Variants in CBL observed in about 807,000 individuals in gnomAD.
CBL encodes E3 ubiquitin-protein ligase CBL.
In CBL, 45 loss-of-function variants were observed where a neutral mutation model predicts 96.9. That is an observed-to-expected ratio of 0.46 (90% CI 0.37 to 0.60). The LOEUF (loss-of-function observed/expected upper bound fraction) is 0.60, where lower values mean the gene tolerates loss of function less well. Ranked by LOEUF, CBL falls within the 20% of genes least tolerant of loss-of-function variation. The probability of loss-of-function intolerance (pLI) is 0.00; values close to 1 mark genes in which losing one functional copy is unlikely to be tolerated. For synonymous variants in CBL, 420 were observed against 426.8 expected (o/e 0.98, Z 0.20); for missense variants, 1,024 against 1,143.5 (o/e 0.90, Z 1.51).
chr11:119,285,225 C>T lies in CBL; in HGVS notation c.1600C>T (p.Pro534Ser), dbSNP rs1281464618. 1.2e-6 allele frequency: 2 copies of T among 1,614,168 alleles called. No individual in the cohort carries two copies. Among genetic ancestry groups the T allele is most frequent in the East Asian group, 2.2e-5 (1 of 44,884 alleles). ...SGSLHKDKPL[P>S]VPPTLRDLPP... is the part of the protein sequence containing the mutation. ...CTCCCTTCATAAAGACAAACCATTGCCAGTACCTCCCACACTTCGAGATCT... is the reference window on the plus strand; with the variant it reads ...CTCCCTTCATAAAGACAAACCATTGTCAGTACCTCCCACACTTCGAGATCT... The change falls in exon 11 of 16, where the codon CCA (proline) becomes TCA (serine). Residue 534 changes from proline to serine, a missense_variant. Pro to Ser is a moderately conservative substitution (Grantham distance 74, BLOSUM62 -1). Around this residue, in one of 4 missense-constraint regions of CBL, gnomAD observed 695 missense variants for 661.6 expected, o/e 1.05. Coordinates refer to ENST00000264033, the MANE Select transcript of CBL (RefSeq NM_005188.4).
chr11:119,273,049 A>C (rs758915796), intron 3 of CBL, among the ~76,000 whole-genome samples: 19 of 151,416 alleles, frequency 1.3e-4, no homozygotes, highest in Non-Finnish European at 2.5e-4. Context: ...ACAATCAATC[A>C]TAGCTCATCG....
At position 119,300,795 on chromosome 11, in the gene CBL, A is replaced by G. The variant is rs1356433248; in HGVS notation, c.*1014A>G. On this transcript the variant is annotated 3_prime_UTR_variant, in exon 16 of 16. Transcript: ENST00000264033. ...TCATGAGTCTTTCTACTTAATGGGA[A>G]GGGAAGAACATTTGTTTCCAGGATG... 2.6e-6 allele frequency: 1 copy of G among 379,762 alleles called. No homozygotes were observed. The highest frequency in any genetic ancestry group is 2.1e-5 in the African/African-American group (1 of 48,442). 23.5% of individuals were successfully genotyped at this position (379,762 alleles called of 1,614,324 possible).
At chr11:119,236,575 T>C (rs1005716547) in intron 2 of CBL, among the ~76,000 whole-genome samples, 1 of 145,430 alleles carries the variant, frequency 6.9e-6, no homozygotes, top group Non-Finnish European at 1.5e-5. Context: ...TATATACATA[T>C]ATGTTTTCAC....
rs954204686 is a variant in CBL at position 119,300,846 on chromosome 11, C to G, written c.*1065C>G. The G allele has an allele frequency of 3.0e-6, 1 of 337,768 alleles. No individual in the cohort carries two copies. The highest frequency in any genetic ancestry group is 5.3e-6 in the Non-Finnish European group (1 of 187,280). The allele number at this position is 337,768 out of a possible 1,614,324, so 20.9% of individuals were successfully genotyped here. Reference sequence around the variant, plus strand: ...ACTTTCTGGCCAGAATACCGGAAAGCTTTTAGGAAGCTTCGTTCACATGCT... The same window carrying G: ...ACTTTCTGGCCAGAATACCGGAAAGGTTTTAGGAAGCTTCGTTCACATGCT... On this transcript the variant is annotated 3_prime_UTR_variant, in exon 16 of 16. Coordinates refer to ENST00000264033, the MANE Select transcript of CBL (RefSeq NM_005188.4).
chr11:119,228,893 CTT>C (rs1247445582), intron 1 of CBL, among the ~76,000 whole-genome samples: 3 of 151,672 alleles, frequency 2.0e-5, no homozygotes, highest in African/African-American at 4.8e-5. Flanking sequence ...TCACTGCAAA[CTT>C]TGCTTCCCGG....
chr11:119,259,818 G>T lies in CBL; in HGVS notation c.444-11917G>T, dbSNP rs571809800. Among the ~76,000 whole-genome samples, 265 of 152,260 alleles carry T rather than the reference G, an allele frequency of 1.7e-3. 1 individual carries two copies. The highest frequency in any genetic ancestry group is 6.1e-3 in the African/African-American group (252 of 41,544). On this transcript the variant is annotated intron_variant, in intron 2 of 15. Transcript: ENST00000264033. Reference sequence around the variant, plus strand: ...ATATAGCTCATTTGGGACATGGATTGTATTTCCAAATACCTGTCACATGGA... The same window carrying T: ...ATATAGCTCATTTGGGACATGGATTTTATTTCCAAATACCTGTCACATGGA...
At position 119,206,385 on chromosome 11, in the gene CBL, C is replaced by G; in HGVS notation, c.-33C>G. The G allele has an allele frequency of 2.0e-6, 3 of 1,466,026 alleles. No homozygotes were observed. The highest frequency in any genetic ancestry group is 1.8e-6 in the Non-Finnish European group (2 of 1,108,020). The allele number at this position is 1,466,026 out of a possible 1,614,324, so 90.8% of individuals were successfully genotyped here. A position where few individuals can be genotyped will look rare whatever the true frequency, so the allele number is the denominator to read the frequency against. On this transcript the variant is annotated 5_prime_UTR_variant, in exon 1 of 16. Coordinates refer to ENST00000264033, the MANE Select transcript of CBL (RefSeq NM_005188.4). ...CTCGCTCGCAGTCGAGCCGAGCCGG[C>G]GGACCCGCCTGGGCTCCGACCCTGC... is the stretch of plus-strand genomic sequence containing the variant.
At chr11:119,277,354 C>A (rs575282520) in intron 6 of CBL, among the ~76,000 whole-genome samples, 1 of 151,804 alleles carries the variant, frequency 6.6e-6, no homozygotes, top group African/African-American at 2.4e-5. Flanking sequence ...TTTGTTCCCC[C>A]GGGGAGCCAA....
At chr11:119,229,225 T>C (rs181723917) in intron 1 of CBL, among the ~76,000 whole-genome samples, 5 of 152,336 alleles carry the variant, frequency 3.3e-5, no homozygotes, top group Admixed American at 1.3e-4. Context: ...ACTTTTGGAA[T>C]GTAGCACTTG....
At chr11:119,237,016 C>T (rs998623019) in intron 2 of CBL, among the ~76,000 whole-genome samples, 2 of 152,238 alleles carry the variant, frequency 1.3e-5, no homozygotes, top group Non-Finnish European at 2.9e-5. Flanking sequence ...GATGTAATTT[C>T]ACAACGTTCT....
chr11:119,216,249 G>C (rs2135252632), intron 1 of CBL, among the ~76,000 whole-genome samples: 1 of 152,354 alleles, frequency 6.6e-6, no homozygotes, highest in Non-Finnish European at 1.5e-5. Context: ...TGCCATGGAG[G>C]AAGGACTAAA....
intron 1 of CBL, among the ~76,000 whole-genome samples, chr11:119,229,134 T>G (rs915150854): frequency 1.3e-5 from 2 of 152,196 alleles, no homozygotes; most frequent in African/African-American, 4.8e-5. Flanking sequence ...TCTTCCCCAC[T>G]TCCTTCCACA....
Position 119,300,020 on chromosome 11 carries a change from A to G in CBL, c.*239A>G, listed in dbSNP as rs140332874. On this transcript the variant is annotated 3_prime_UTR_variant, in exon 16 of 16. Transcript: ENST00000264033. ...TGAAGGTGTCCTTCAGTTCCCACGTAGAGAGAGTGTGGATTATATTACATG... is the reference window on the plus strand; with the variant it reads ...TGAAGGTGTCCTTCAGTTCCCACGTGGAGAGAGTGTGGATTATATTACATG... 9.8e-4 allele frequency: 589 copies of G among 599,454 alleles called. No homozygotes were observed. The highest frequency in any genetic ancestry group is 1.5e-3 in the Non-Finnish European group (513 of 336,574). 37.1% of individuals were successfully genotyped at this position (599,454 alleles called of 1,614,324 possible).
chr11:119,279,205 A>G (rs1207457342), intron 9 of CBL, among the ~76,000 whole-genome samples: 2 of 150,054 alleles, frequency 1.3e-5, no homozygotes, highest in African/African-American at 4.9e-5. Flanking sequence ...GAGTCTTGGC[A>G]TTAGAAGGTT....
chr11:119,211,477 C>G (rs1234314015), intron 1 of CBL, among the ~76,000 whole-genome samples: 1 of 152,086 alleles, frequency 6.6e-6, no homozygotes, highest in Non-Finnish European at 1.5e-5. Context: ...CACTAAGTCT[C>G]ATGTTCTTTG....
At chr11:119,281,580 T>C (rs1949934220) in intron 9 of CBL, among the ~76,000 whole-genome samples, 1 of 151,122 alleles carries the variant, frequency 6.6e-6, no homozygotes, top group African/African-American at 2.4e-5. Context: ...CTGCAACCTC[T>C]GCCTCCCGGG....
intron 2 of CBL, among the ~76,000 whole-genome samples, chr11:119,252,496 T>G (rs1370364373): frequency 6.6e-6 from 1 of 152,184 alleles, no homozygotes; most frequent in Non-Finnish European, 1.5e-5. Context: ...CTAAGTGCTA[T>G]TGACATCAAC....
intron 3 of CBL, 120 bp downstream of exon 3, chr11:119,272,001 A>T: frequency 2.3e-6 from 2 of 881,186 alleles, no homozygotes; most frequent in South Asian, 3.1e-5. Context: ...ATATATGTGT[A>T]TGTATTTCCT....
At chr11:119,256,833 C>T (rs1231204600) in intron 2 of CBL, among the ~76,000 whole-genome samples, 1 of 151,982 alleles carries the variant, frequency 6.6e-6, no homozygotes, top group Non-Finnish European at 1.5e-5. Flanking sequence ...GTTTTCCATT[C>T]CTGAGTTACT....
Sources: allele counts gnomAD v4.1 joint callset (sites outside exome capture counted in the v4.1 genomes callset), GRCh38; gene constraint gnomAD v4.1.1; regional missense constraint gnomAD v4.1.1; transcripts MANE v1.5; gene names NCBI Gene and HGNC (gene_info 2026-07-23, HGNC 2026-07-21).